PPARGC1B: variants seen among roughly 807,000 people sequenced by gnomAD.
PPARGC1B encodes the protein peroxisome proliferator-activated receptor gamma coactivator 1-beta.
A neutral mutation model predicts 101.6 loss-of-function variants in PPARGC1B; 34 were observed. That is an observed-to-expected ratio of 0.33 (90% CI 0.25 to 0.45). The LOEUF (loss-of-function observed/expected upper bound fraction) is 0.45, where lower values mean the gene tolerates loss of function less well. Among genes scored for constraint, PPARGC1B ranks in the 20% least tolerant of loss-of-function variants. PPARGC1B has a pLI of 1.00. For missense variants in PPARGC1B, 1,234 were observed against 1,317.6 expected (o/e 0.94, Z 0.98); for synonymous variants, 548 against 539.3 (o/e 1.02, Z -0.22).
At chr5:149,781,638 A>T (rs1756605385) in intron 1 of PPARGC1B, among the ~76,000 whole-genome samples, 1 of 152,180 alleles carries the variant, frequency 6.6e-6, no homozygotes, top group Non-Finnish European at 1.5e-5. Context: ...AAACTCTTAC[A>T]GCTCAAGCTG....
chr5:149,803,318 A>C (rs1757492891), intron 1 of PPARGC1B, among the ~76,000 whole-genome samples: 1 of 152,294 alleles, frequency 6.6e-6, no homozygotes, highest in Non-Finnish European at 1.5e-5. Context: ...CTGTGACTTT[A>C]GGCAGCTCAC....
In PPARGC1B at chr5:149,832,609, G is replaced by A; in HGVS notation, c.583-47G>A. 7.0e-7 allele frequency: 1 copy of A among 1,431,912 alleles called. No individual in the cohort carries two copies. Among genetic ancestry groups the A allele is most frequent in the Non-Finnish European group, 9.4e-7 (1 of 1,059,952 alleles). The allele number at this position is 1,431,912 out of a possible 1,614,324, so 88.7% of individuals were successfully genotyped here. A position where few individuals can be genotyped will look rare whatever the true frequency, so the allele number is the denominator to read the frequency against. ...GACCATGCGGATGAGACACATGGGA[G>A]GAGTGTTTGGGCCTCCTTCCTCACT... On this transcript the variant is annotated intron_variant, in intron 4 of 11. Coordinates refer to ENST00000309241, the MANE Select transcript of PPARGC1B (RefSeq NM_133263.4). The surrounding 1 kb of genome is among the most constrained non-coding windows in gnomAD (Gnocchi z 4.9).
downstream of PPARGC1B, among the ~76,000 whole-genome samples, chr5:149,857,196 C>G (rs1400878852): frequency 6.6e-6 from 1 of 152,166 alleles, no homozygotes; most frequent in Admixed American, 6.5e-5. Context: ...CAGTTTCTCC[C>G]TTGGAGTATT....
chr5:149,764,061 C>T (rs1260375185), intron 1 of PPARGC1B, among the ~76,000 whole-genome samples: 1 of 152,162 alleles, frequency 6.6e-6, no homozygotes, highest in African/African-American at 2.4e-5. Context: ...GTAAGAATGT[C>T]AAAACATAAA....
At chr5:149,750,809 C>G (rs940351400) in intron 1 of PPARGC1B, among the ~76,000 whole-genome samples, 1 of 152,210 alleles carries the variant, frequency 6.6e-6, no homozygotes, top group Non-Finnish European at 1.5e-5. Context: ...CATTAGGTGA[C>G]CATGGGACTG....
chr5:149,757,137 C>T (rs1055328425), intron 1 of PPARGC1B, among the ~76,000 whole-genome samples: 4 of 152,130 alleles, frequency 2.6e-5, no homozygotes, highest in South Asian at 2.1e-4. Flanking sequence ...CTAGAAAGTG[C>T]GGTCCAGACG....
intron 10 of PPARGC1B, among the ~76,000 whole-genome samples, chr5:149,845,369 C>T (rs938744040): frequency 6.6e-5 from 10 of 152,288 alleles, no homozygotes; most frequent in East Asian, 5.8e-4. Context: ...AAACATACAG[C>T]GGTGTTAAGA....
At chr5:149,828,863 T>C (rs965563088) in intron 3 of PPARGC1B, among the ~76,000 whole-genome samples, 5 of 151,392 alleles carry the variant, frequency 3.3e-5, no homozygotes, top group Non-Finnish European at 7.4e-5. Flanking sequence ...CTGGGCAACA[T>C]AGGAAGATCC....
chr5:149,816,465 T>A (rs1352764379), intron 1 of PPARGC1B, among the ~76,000 whole-genome samples: 1 of 152,230 alleles, frequency 6.6e-6, no homozygotes. Flanking sequence ...GCTAGTTCTA[T>A]GAAGTTCTAA....
intron 1 of PPARGC1B, among the ~76,000 whole-genome samples, chr5:149,799,614 A>G (rs964636604): frequency 9.2e-5 from 14 of 151,624 alleles, no homozygotes; most frequent in Admixed American, 9.2e-4. Flanking sequence ...AGGAAGGAGA[A>G]GCTGGGGCAT....
In PPARGC1B at chr5:149,820,585, C is replaced by T. The variant is rs764914811; in HGVS notation, c.231C>T (p.Pro77=). ...NSETEPNQYS[P]DDSELFQIDS... The stretch of plus-strand genomic sequence containing the variant: ...AGACTGAACCCAACCAGTACAGCCC[C>T]GATGACTCCGAGCTCTTCCAGGTAT... The change falls in exon 2 of 12, where the codon CCC becomes CCT. Residue 77 remains proline (P), a synonymous_variant. Transcript: ENST00000309241. 24 of 1,612,526 alleles carry T rather than the reference C, an allele frequency of 1.5e-5. No homozygotes were observed. Among genetic ancestry groups the T allele is most frequent in the Middle Eastern group, 1.7e-4 (1 of 5,892 alleles).
chr5:149,765,225 A>G (rs1302221065), intron 1 of PPARGC1B, among the ~76,000 whole-genome samples: 2 of 152,264 alleles, frequency 1.3e-5, no homozygotes, highest in Non-Finnish European at 2.9e-5. Context: ...ATGCCTGGGC[A>G]TGTAAGGCTC....
At chr5:149,831,785 C>T (rs1388865820) in intron 4 of PPARGC1B, among the ~76,000 whole-genome samples, 1 of 152,180 alleles carries the variant, frequency 6.6e-6, no homozygotes, top group African/African-American at 2.4e-5. Flanking sequence ...ACAAGCGGGG[C>T]GAATAAGACT....
Position 149,836,432 on chromosome 5 carries a change from A to G in PPARGC1B, c.1977A>G (p.Pro659=). ...GAAHKLPKKH[P]ERSELLSHLR... ...CCCACAAGCTGCCAAAGAAGCACCC[A>G]GAGCGAAGTGAGCTCCTGTCCCACC... The change falls in exon 8 of 12, where the codon CCA becomes CCG. Residue 659 remains proline, a synonymous_variant. Transcript: ENST00000309241. The G allele has an allele frequency of 6.2e-7, 1 of 1,614,102 alleles. No homozygotes were observed. Among genetic ancestry groups the G allele is most frequent in the Non-Finnish European group, 8.5e-7 (1 of 1,180,028 alleles).
At chr5:149,781,364 C>G (rs989057343) in intron 1 of PPARGC1B, among the ~76,000 whole-genome samples, 2 of 152,180 alleles carry the variant, frequency 1.3e-5, no homozygotes, top group Non-Finnish European at 2.9e-5. Flanking sequence ...GCATAGCTGC[C>G]ATTCTGTGAC....
At chr5:149,735,891 C>G (rs1238761209) in intron 1 of PPARGC1B, among the ~76,000 whole-genome samples, 1 of 152,226 alleles carries the variant, frequency 6.6e-6, no homozygotes, top group African/African-American at 2.4e-5. Context: ...TTTGGGAGGC[C>G]AAGGCGGGCA....
Position 149,737,691 on chromosome 5 carries a change from T to C in PPARGC1B, c.78+7271T>C, listed in dbSNP as rs116055765. On this transcript the variant is annotated intron_variant, in intron 1 of 11. Coordinates refer to ENST00000309241, the MANE Select transcript of PPARGC1B (RefSeq NM_133263.4). ...TGTTTCCTGAAGTGAGAAGATATGA[T>C]GATTAAGATTGTTGTGAAGAGGCCG... Among the ~76,000 whole-genome samples the C allele has an allele frequency of 3.0e-3, 455 of 152,326 alleles. 1 individual carries two copies. The highest frequency in any genetic ancestry group is 0.01 in the African/African-American group (420 of 41,562).
At position 149,792,738 on chromosome 5, in the gene PPARGC1B, T is replaced by TATTC. The variant is rs373254833; in HGVS notation, c.79-27665_79-27662dup. ...AGGATGCAGCCTTGTTCCGTAGTTGTATTCATTCATTCATTCATTCATTCA... is the reference window on the plus strand; with the variant it reads ...AGGATGCAGCCTTGTTCCGTAGTTGTATTCATTCATTCATTCATTCATTCATTCA... On this transcript the variant is annotated intron_variant, in intron 1 of 11. Transcript: ENST00000309241. Among the ~76,000 whole-genome samples, 668 of 152,102 alleles carry TATTC rather than the reference T, an allele frequency of 4.4e-3. 4 individuals are homozygous for TATTC. The highest frequency in any genetic ancestry group is 6.6e-3 in the Non-Finnish European group (450 of 67,996).
chr5:149,799,687 G>GTTTT (rs1561553708), intron 1 of PPARGC1B, among the ~76,000 whole-genome samples: 4 of 85,440 alleles, frequency 4.7e-5, no homozygotes, highest in African/African-American at 1.3e-4. Flanking sequence ...TTGTTTGCTT[G>GTTTT]TTGTTGTTTT....
Sources: allele counts gnomAD v4.1 joint callset (sites outside exome capture counted in the v4.1 genomes callset), GRCh38; gene constraint gnomAD v4.1.1; non-coding constraint Gnocchi (gnomAD v3.1); transcripts MANE v1.5; gene names NCBI Gene and HGNC (gene_info 2026-07-23, HGNC 2026-07-21).